CAMTA1: variants seen among roughly 807,000 people sequenced by gnomAD.
The protein encoded by CAMTA1 is calmodulin-binding transcription activator 1.
Under a neutral mutation model 170.9 loss-of-function variants are expected in CAMTA1, and 27 were observed. The ratio of observed to expected loss-of-function variants is 0.16; its 90% confidence interval spans 0.12 to 0.22. The LOEUF is 0.22. Ranked by LOEUF, CAMTA1 falls within the 10% of genes least tolerant of loss-of-function variation. The probability of loss-of-function intolerance (pLI) is 1.00; values close to 1 mark genes in which losing one functional copy is unlikely to be tolerated. For missense variants in CAMTA1, 1,619 were observed against 2,217.2 expected, an observed-to-expected ratio of 0.73 and a Z score of 5.42; for synonymous variants, 833 against 891.5, an observed-to-expected ratio of 0.93 and a Z score of 1.17.
chr1:7,549,866 C>T (rs756756610), intron 6 of CAMTA1, among the ~76,000 whole-genome samples: 15 of 152,234 alleles, frequency 9.9e-5, no homozygotes, highest in Non-Finnish European at 1.6e-4. Context: ...GTGTGCCAAG[C>T]GCCCAGGCTT....
chr1:7,480,387 G>A (rs1043282651), intron 6 of CAMTA1, among the ~76,000 whole-genome samples: 18 of 151,708 alleles, frequency 1.2e-4, no homozygotes, highest in Admixed American at 3.3e-4. Flanking sequence ...CTGCATGTGC[G>A]TATATGAGAG....
chr1:7,091,156 A>G (rs1641418860), intron 3 of CAMTA1, 148 bp from the exon 4 acceptor site: 2 of 676,394 alleles, frequency 3.0e-6, no homozygotes, highest in Non-Finnish European at 5.3e-6. Context: ...AAATAGAAAC[A>G]GAGTCCAAGT....
intron 1 of CAMTA1, among the ~76,000 whole-genome samples, chr1:6,806,511 C>A (rs1216728805): frequency 6.6e-6 from 1 of 152,150 alleles, no homozygotes; most frequent in Non-Finnish European, 1.5e-5. Context: ...CTCAGACACC[C>A]AAGCATCTTG....
chr1:7,410,629 T>A (rs557509240), intron 5 of CAMTA1, among the ~76,000 whole-genome samples: 6 of 152,312 alleles, frequency 3.9e-5, no homozygotes, highest in African/African-American at 1.4e-4. Flanking sequence ...GCTACAGAAT[T>A]CAGAATGTAC....
intron 6 of CAMTA1, among the ~76,000 whole-genome samples, chr1:7,535,351 C>A (rs569809571): frequency 6.6e-6 from 1 of 152,204 alleles, no homozygotes; most frequent in Non-Finnish European, 1.5e-5. Flanking sequence ...CCCGCCTCCA[C>A]CCCCAGGTCT....
intron 3 of CAMTA1, among the ~76,000 whole-genome samples, chr1:6,948,551 G>A (rs981252930): frequency 6.6e-6 from 1 of 152,290 alleles, no homozygotes; most frequent in East Asian, 1.9e-4. Flanking sequence ...CTGGCACTTA[G>A]AGAGCTCAAG....
At chr1:7,751,513 T>A (rs1267514196) in intron 20 of CAMTA1, 121 bp downstream of exon 20, 2 of 770,128 alleles carry the variant, frequency 2.6e-6, no homozygotes, top group Non-Finnish European at 4.0e-6. Flanking sequence ...TGGCAGTCAC[T>A]GTGTTCCAGA....
chr1:7,414,189 G>A (rs1208081119), intron 5 of CAMTA1, among the ~76,000 whole-genome samples: 2 of 152,198 alleles, frequency 1.3e-5, no homozygotes, highest in Non-Finnish European at 2.9e-5. Flanking sequence ...TTGCATCAAT[G>A]TTCATCAAGG....
chr1:7,033,654 G>C (rs556703903), intron 3 of CAMTA1, among the ~76,000 whole-genome samples: 1 of 145,670 alleles, frequency 6.9e-6, no homozygotes, highest in Non-Finnish European at 1.5e-5. Context: ...GTGCTGTGGC[G>C]GTGATCTCGG....
At position 7,456,061 on chromosome 1, in the gene CAMTA1, C is replaced by T. The variant is rs772201674; in HGVS notation, c.439-11769C>T. Among the ~76,000 whole-genome samples the T allele has an allele frequency of 7.2e-5, 11 of 152,136 alleles. No homozygotes were observed. Among genetic ancestry groups the T allele is most frequent in the Non-Finnish European group, 1.3e-4 (9 of 68,034 alleles). On this transcript the variant is annotated intron_variant, in intron 5 of 22. Transcript: ENST00000303635. This position sits in a 1 kb window ranked among gnomAD's most constrained non-coding sequence, Gnocchi z 4.9. Reference sequence around the variant, plus strand: ...GGCTGTTGATAAGGAACACATCAGACCCAGAGCTACTTGCAGGCATTCGTC... The same window carrying T: ...GGCTGTTGATAAGGAACACATCAGATCCAGAGCTACTTGCAGGCATTCGTC...
At chr1:7,188,674 C>T (rs1653939303) in intron 4 of CAMTA1, among the ~76,000 whole-genome samples, 2 of 152,184 alleles carry the variant, frequency 1.3e-5, no homozygotes, top group South Asian at 4.1e-4. Flanking sequence ...AAATAATATT[C>T]CACTGTATTC....
At chr1:7,510,768 C>T (rs1025632640) in intron 6 of CAMTA1, among the ~76,000 whole-genome samples, 3 of 145,692 alleles carry the variant, frequency 2.1e-5, no homozygotes, top group African/African-American at 7.4e-5. Context: ...GACAGCAGGA[C>T]CTTTGTCCTC....
chr1:7,381,031 G>A (rs2087262291), intron 5 of CAMTA1, among the ~76,000 whole-genome samples: 1 of 152,216 alleles, frequency 6.6e-6, no homozygotes, highest in African/African-American at 2.4e-5. Context: ...AAAGTGGTTA[G>A]GAAAATGTGC....
chr1:7,292,083 T>G (rs6577434), intron 5 of CAMTA1, among the ~76,000 whole-genome samples: 3 of 152,038 alleles, frequency 2.0e-5, no homozygotes, highest in Non-Finnish European at 2.9e-5. Flanking sequence ...CACCTACACT[T>G]TGAAAAATCC....
chr1:7,513,197 G>A (rs113420531), intron 6 of CAMTA1, among the ~76,000 whole-genome samples: 5 of 152,304 alleles, frequency 3.3e-5, no homozygotes, highest in South Asian at 2.1e-4. Context: ...AGAAGCGGCC[G>A]ATTCTGGGCA....
At chr1:7,236,340 T>C (rs748538368) in intron 4 of CAMTA1, among the ~76,000 whole-genome samples, 17 of 152,172 alleles carry the variant, frequency 1.1e-4, no homozygotes, top group Non-Finnish European at 2.4e-4. Context: ...ACTTTTTCCC[T>C]CCCCTTGCAA....
chr1:7,060,620 C>T (rs917380263), intron 3 of CAMTA1, among the ~76,000 whole-genome samples: 1 of 152,198 alleles, frequency 6.6e-6, no homozygotes, highest in Non-Finnish European at 1.5e-5. Context: ...GTGTCTTAGA[C>T]CCCTTGGGAA....
At chr1:7,391,145 G>T (rs1408927813) in intron 5 of CAMTA1, among the ~76,000 whole-genome samples, 1 of 152,164 alleles carries the variant, frequency 6.6e-6, no homozygotes, top group Non-Finnish European at 1.5e-5. Flanking sequence ...TTACAGGCAT[G>T]TGCCACCATG....
intron 3 of CAMTA1, among the ~76,000 whole-genome samples, chr1:6,975,241 C>T (rs1050027293): frequency 1.3e-5 from 2 of 152,192 alleles, no homozygotes; most frequent in African/African-American, 4.8e-5. Context: ...AGCATGTTGT[C>T]CCTGCTCTTG....
Sources: allele counts gnomAD v4.1 joint callset (sites outside exome capture counted in the v4.1 genomes callset), GRCh38; gene constraint gnomAD v4.1.1; non-coding constraint Gnocchi (gnomAD v3.1); transcripts MANE v1.5; gene names NCBI Gene and HGNC (gene_info 2026-07-23, HGNC 2026-07-21).